The following ARMC9 variants were observed in gnomAD, a reference collection of about 807,000 sequenced individuals.
ARMC9 encodes armadillo repeat containing 9, also known as lisH domain-containing protein ARMC9.
Under a neutral mutation model 107.0 loss-of-function variants are expected in ARMC9, and 94 were observed. The ratio of observed to expected loss-of-function variants is 0.88; its 90% CI spans 0.74 to 1.04. The LOEUF is 1.04. ARMC9 is among the 50% of genes least tolerant of loss of function. ARMC9 has a pLI of 0.00. For missense variants in ARMC9, 942 were observed against 1,030.1 expected, an observed-to-expected ratio of 0.91 and a Z score of 1.17; for synonymous variants, 380 against 396.9, an observed-to-expected ratio of 0.96 and a Z score of 0.51.
At chr2:231,309,387 T>C (rs2042210475) in intron 19 of ARMC9, among the ~76,000 whole-genome samples, 1 of 152,254 alleles carries the variant, frequency 6.6e-6, no homozygotes, top group Non-Finnish European at 1.5e-5. Context: ...TGATGAGTTT[T>C]TCCTGTTATC....
In ARMC9 at chr2:231,360,759, A is replaced by G. The variant is rs1466544809; in HGVS notation, c.2137A>G (p.Ile713Val). The change falls in exon 23 of 25, where the codon ATC becomes GTC. Residue 713 changes from isoleucine to valine, a missense_variant. Physicochemically the swap from Ile to Val is conservative, Grantham distance 29 (BLOSUM62 3). Coordinates refer to ENST00000611582, the MANE Select transcript of ARMC9 (RefSeq NM_001352754.2). The surrounding 1 kb of genome is among the most constrained non-coding windows in gnomAD (Gnocchi z 4.7). ...CTTTCTCTCCTCCTCCCCAGCAGCC[A>G]TCATCGCCAAGCCAGGAGAGTGGCT... is the stretch of plus-strand genomic sequence containing the variant. ...PESCVSSSSA[I>V]IAKPGEWLPR... 2.0e-6 allele frequency: 3 copies of G among 1,536,054 alleles called. No homozygotes were observed. The Admixed American group carries it at 5.9e-5, about 30-fold the overall frequency.
intron 9 of ARMC9, among the ~76,000 whole-genome samples, chr2:231,252,347 T>G (rs578071640): frequency 7.7e-4 from 117 of 152,264 alleles, no homozygotes; most frequent in African/African-American, 2.5e-3. Flanking sequence ...CCTCACTGAT[T>G]CAAGCAATTC....
chr2:231,256,299 T>G, intron 9 of ARMC9: 1 of 1,555,038 alleles, frequency 6.4e-7, no homozygotes, highest in South Asian at 1.2e-5. Context: ...GCCCGGAGGT[T>G]GCGCTGAGCT....
intron 8 of ARMC9, among the ~76,000 whole-genome samples, chr2:231,235,969 T>C (rs906228201): frequency 1.3e-5 from 2 of 152,222 alleles, no homozygotes; most frequent in East Asian, 3.8e-4. Flanking sequence ...TTTTCAAATA[T>C]TGAGACGGGG....
chr2:231,261,908 C>T (rs925396204), intron 11 of ARMC9, among the ~76,000 whole-genome samples: 5 of 151,920 alleles, frequency 3.3e-5, no homozygotes, highest in African/African-American at 7.3e-5. Context: ...CTGCAACCTC[C>T]GACTCCTGGG....
At position 231,275,320 on chromosome 2, in the gene ARMC9, G is replaced by C. The variant is rs534448088; in HGVS notation, c.1335-1316G>C. Among the ~76,000 whole-genome samples the C allele has an allele frequency of 2.0e-5, 3 of 152,304 alleles. No homozygotes were observed. In the East Asian group the frequency reaches 5.8e-4, roughly 29 times the overall value. Reference sequence around the variant, plus strand: ...TTTCACCATAACCTGCGCATCCGGAGATGTGCAGAGCTGGCTTCTCTGTGG... The same window carrying C: ...TTTCACCATAACCTGCGCATCCGGACATGTGCAGAGCTGGCTTCTCTGTGG... On this transcript the variant is annotated intron_variant, in intron 14 of 24. Coordinates refer to ENST00000611582, the MANE Select transcript of ARMC9 (RefSeq NM_001352754.2).
At chr2:231,265,283 A>G (rs760882185) in intron 12 of ARMC9, among the ~76,000 whole-genome samples, 20 of 152,214 alleles carry the variant, frequency 1.3e-4, no homozygotes, top group Admixed American at 2.0e-4. Flanking sequence ...AAGTCATTAT[A>G]TGAAAAAGAC....
At chr2:231,345,377 C>T (rs1361491940) in intron 21 of ARMC9, among the ~76,000 whole-genome samples, 1 of 152,078 alleles carries the variant, frequency 6.6e-6, no homozygotes, top group East Asian at 1.9e-4. Context: ...TGAAAGGAAT[C>T]GGGCTCTCTC....
Position 231,337,286 on chromosome 2 carries a change from ATATATTTTTTTTTTT to A in ARMC9, c.1878+5391_1878+5405del, listed in dbSNP as rs1323908855. On this transcript the variant is annotated intron_variant, in intron 20 of 24. Transcript: ENST00000611582. ...CGTGTGTGTGTATATATATATATAT[ATATATTTTTTTTTTT>A]TTTTTTTTTTTTTTGAGACAGTGTC... Among the ~76,000 whole-genome samples the A allele has an allele frequency of 8.1e-3, 483 of 59,708 alleles. 1 individual carries two copies. The highest frequency in any genetic ancestry group is 0.034 in the African/African-American group (456 of 13,246). 39.2% of individuals were successfully genotyped at this position (59,708 alleles called of 152,430 possible).
intron 19 of ARMC9, among the ~76,000 whole-genome samples, chr2:231,324,214 G>A (rs374121937): frequency 1.7e-4 from 21 of 126,846 alleles, no homozygotes; most frequent in Admixed American, 7.2e-4. Flanking sequence ...TGCAACCTCC[G>A]CCTCCCAGGT....
At position 231,298,803 on chromosome 2, in the gene ARMC9, G is replaced by A. The variant is rs188394644; in HGVS notation, c.1773+2550G>A. On this transcript the variant is annotated intron_variant, in intron 19 of 24. Transcript: ENST00000611582. The stretch of plus-strand genomic sequence containing the variant: ...CAAAAATTAGCTGGTTCATGGTGGC[G>A]TGCGCCTGTAATCCCAGCTACTAGG... 2.2e-4 allele frequency among the ~76,000 whole-genome samples: 33 copies of A among 152,226 alleles called. 1 individual carries two copies. The highest frequency in any genetic ancestry group is 6.8e-3 in the Middle Eastern group (2 of 294).
At chr2:231,258,329 G>A (rs550723023) in intron 10 of ARMC9, among the ~76,000 whole-genome samples, 102 of 152,122 alleles carry the variant, frequency 6.7e-4, no homozygotes, top group Non-Finnish European at 1.1e-3. Flanking sequence ...CTACAGGCGC[G>A]TGTCACTATG....
intron 17 of ARMC9, chr2:231,288,590 T>C: frequency 2.1e-6 from 1 of 470,640 alleles, no homozygotes; most frequent in Non-Finnish European, 4.4e-6. Context: ...AAGTTAGTTG[T>C]TCTGTGTAGT....
At position 231,307,926 on chromosome 2, in the gene ARMC9, A is replaced by G. The variant is rs143910416; in HGVS notation, c.1773+11673A>G. The stretch of plus-strand genomic sequence containing the variant: ...AGATTGAAACTGCAGAGCAGGTGAC[A>G]TCCCAGCTGAGGAGCAGCAGGAGCC... On this transcript the variant is annotated intron_variant, in intron 19 of 24. Transcript: ENST00000611582. Among the ~76,000 whole-genome samples the G allele has an allele frequency of 7.2e-4, 109 of 152,364 alleles. 1 individual carries two copies. Among genetic ancestry groups the G allele is most frequent in the Admixed American group, 5.0e-3 (76 of 15,304 alleles).
chr2:231,294,499 T>C (rs745962), intron 18 of ARMC9: 125,032 of 152,414 alleles, frequency 0.82, 51,860 homozygotes, highest in African/African-American at 0.95. Flanking sequence ...GGATGGGAGA[T>C]AGTCATCCCA....
chr2:231,346,335 C>T (rs2044812803), intron 21 of ARMC9, among the ~76,000 whole-genome samples: 1 of 151,890 alleles, frequency 6.6e-6, no homozygotes, highest in South Asian at 2.1e-4. Context: ...TCCTGGCTAA[C>T]GTGGTGAAAC....
intron 19 of ARMC9, among the ~76,000 whole-genome samples, chr2:231,309,139 C>T (rs1396656405): frequency 2.6e-5 from 4 of 152,184 alleles, no homozygotes; most frequent in African/African-American, 4.8e-5. Context: ...CTCGTGTGCT[C>T]TCAGACCCTG....
In ARMC9 at chr2:231,271,065, G is replaced by A. The variant is rs765040741; in HGVS notation, c.1203G>A (p.Leu401=). Residue 401 remains leucine, a synonymous_variant, in exon 13 of 25, where the codon CTG becomes CTA. Coordinates refer to ENST00000611582, the MANE Select transcript of ARMC9 (RefSeq NM_001352754.2). ...MARLINAFAS[L]AEGRLYLAQN... ...GGCTCATCAATGCTTTTGCGTCACT[G>A]GCAGAAGGTGAGACATCAGCTTTGC... 6.2e-6 allele frequency: 10 copies of A among 1,613,856 alleles called. No homozygotes were observed. The highest frequency in any genetic ancestry group is 5.3e-5 in the African/African-American group (4 of 74,914).
chr2:231,247,357 T>G (rs922418835), intron 9 of ARMC9, among the ~76,000 whole-genome samples: 2 of 152,232 alleles, frequency 1.3e-5, no homozygotes, highest in African/African-American at 4.8e-5. Context: ...AGGCACCTGC[T>G]TCCACCTCAG....
Sources: allele counts gnomAD v4.1 joint callset (sites outside exome capture counted in the v4.1 genomes callset), GRCh38; gene constraint gnomAD v4.1.1; non-coding constraint Gnocchi (gnomAD v3.1); transcripts MANE v1.5; gene names NCBI Gene and HGNC (gene_info 2026-07-23, HGNC 2026-07-21).